The following EXOC3L4 variants were observed in gnomAD, a reference collection of about 807,000 sequenced individuals.
EXOC3L4 encodes exocyst complex component 3 like 4, also known as exocyst complex component 3-like protein 4.
A neutral mutation model predicts 69.7 loss-of-function variants in EXOC3L4; 62 were observed. That is an observed-to-expected ratio of 0.89 (90% CI 0.72 to 1.10). The LOEUF (loss-of-function observed/expected upper bound fraction) is 1.10, where lower values mean the gene tolerates loss of function less well. EXOC3L4 is among the 50% of genes least tolerant of loss of function. The pLI, the probability that EXOC3L4 is intolerant of heterozygous loss-of-function variation, is 0.00. For synonymous variants in EXOC3L4, 502 were observed against 464.2 expected (o/e 1.08, Z -1.05); for missense variants, 1,087 against 1,034.8 (o/e 1.05, Z -0.69).
rs372270295 is a variant in EXOC3L4 at position 103,110,392 on chromosome 14, C to G, written c.*169C>G. 6 of 812,896 alleles carry G rather than the reference C, an allele frequency of 7.4e-6. No homozygotes were observed. Among genetic ancestry groups the G allele is most frequent in the Non-Finnish European group, 1.0e-5 (5 of 488,836 alleles). The allele number at this position is 812,896 out of a possible 1,614,324, so 50.4% of individuals were successfully genotyped here. On this transcript the variant is annotated 3_prime_UTR_variant, in exon 12 of 12. Coordinates refer to ENST00000688303, the MANE Select transcript of EXOC3L4 (RefSeq NM_001077594.2). ...CAGCTGTCAGGCCAGAAGGAGCAGCCGTGCAGGAGGCATTTCAGGCATCGT... is the reference window on the plus strand; with the variant it reads ...CAGCTGTCAGGCCAGAAGGAGCAGCGGTGCAGGAGGCATTTCAGGCATCGT...
rs748821323 is a variant in EXOC3L4 at position 103,104,332 on chromosome 14, G to A, written c.1227G>A (p.Glu409=). The A allele has an allele frequency of 3.8e-6, 6 of 1,591,826 alleles. No individual in the cohort carries two copies. Among genetic ancestry groups the A allele is most frequent in the Non-Finnish European group, 5.1e-6 (6 of 1,170,740 alleles). The change falls in exon 5 of 12, where the codon GAG becomes GAA. Residue 409 remains glutamate (E), a synonymous_variant. Coordinates refer to ENST00000688303, the MANE Select transcript of EXOC3L4 (RefSeq NM_001077594.2). ...AGCAGAGTCACTGGGCGGCCGCCGA[G>A]GTCCCCGAGGTGCTGCAGGGCCTCT... ...QLEQSHWAAA[E]VPEVLQGLYQ...
At chr14:103,103,368 A>G (rs796516986) in intron 3 of EXOC3L4, among the ~76,000 whole-genome samples, 21 of 146,206 alleles carry the variant, frequency 1.4e-4, no homozygotes, top group South Asian at 6.3e-4. Flanking sequence ...AAAAAAAAAA[A>G]AAAGAAAGAA....
intron 11 of EXOC3L4, among the ~76,000 whole-genome samples, chr14:103,108,733 A>G (rs2274685): frequency 0.47 from 71,628 of 151,800 alleles, 16,979 homozygotes; most frequent in East Asian, 0.6. Context: ...CAGCCCCACC[A>G]GGGGTGGGCA....
At position 103,102,253 on chromosome 14, in the gene EXOC3L4, G is replaced by A. The variant is rs777404935; in HGVS notation, c.530G>A (p.Arg177Gln). 2.5e-6 allele frequency: 4 copies of A among 1,586,480 alleles called. No homozygotes were observed. The highest frequency in any genetic ancestry group is 3.4e-6 in the Non-Finnish European group (4 of 1,168,444). Residue 177 changes from arginine to glutamine, a missense_variant, in exon 3 of 12, where the codon CGG (arginine) becomes CAG (glutamine). By Grantham distance (43) the Arg-to-Gln change is conservative. Transcript: ENST00000688303. ...GAGCAGGACCCTACGGCCTTCGCGC[G>A]GCGCGCTATGGACGTGTGCCTGCTT... ...TFEQDPTAFA[R>Q]RAMDVCLLYD...
chr14:103,104,065 G>A lies in EXOC3L4; in HGVS notation c.1161+13G>A, dbSNP rs764031165. On this transcript the variant is annotated intron_variant, in intron 4 of 11. Transcript: ENST00000688303. Reference sequence around the variant, plus strand: ...CAGCTTCCTGGAGGTCAGGCCGGGCGGGTCAGGCTGGGCGGGCCAGGCTGG... The same window carrying A: ...CAGCTTCCTGGAGGTCAGGCCGGGCAGGTCAGGCTGGGCGGGCCAGGCTGG... The A allele has an allele frequency of 7.1e-6, 11 of 1,540,930 alleles. No homozygotes were observed. Among genetic ancestry groups the A allele is most frequent in the South Asian group, 4.8e-5 (4 of 83,746 alleles).
intron 7 of EXOC3L4, among the ~76,000 whole-genome samples, chr14:103,106,026 TCCCATTGG>T (rs1215667860): frequency 6.6e-6 from 1 of 152,162 alleles, no homozygotes; most frequent in Admixed American, 6.5e-5. Flanking sequence ...GGGACTCAGT[TCCCATTGG>T]CTCTTTGTGA....
intron 1 of EXOC3L4, chr14:103,098,840 C>A (rs55780167): frequency 0.013 from 2,000 of 152,340 alleles, 23 homozygotes; most frequent in Non-Finnish European, 0.02. Flanking sequence ...GCTGATAAAG[C>A]TCCATCAATC....
intron 5 of EXOC3L4, 105 bp from the exon 6 acceptor site, chr14:103,104,633 A>C: frequency 5.5e-6 from 7 of 1,268,344 alleles, no homozygotes; most frequent in Non-Finnish European, 7.3e-6. Context: ...GCCAAGACTG[A>C]CAGGCACAGC....
Position 103,104,020 on chromosome 14 carries a change from C to T in EXOC3L4, c.1129C>T (p.Arg377Ter), listed in dbSNP as rs1328693360. Residue 377 changes from arginine to a stop codon, truncating the protein, a stop_gained, in exon 4 of 12, where the codon CGA becomes TGA. Transcript: ENST00000688303. LOFTEE classifies it high-confidence loss of function. The stretch of plus-strand genomic sequence containing the variant: ...GCTCCTGGCGCCGGACGTGTGGGCC[C>T]GACTGGAGAGCGACTACACCAGCTT... Reference protein sequence around the residue: ...PPLLAPDVWARLESDYTSFLE... With the variant: ...PPLLAPDVWA 1 of 1,578,056 alleles carries T rather than the reference C, an allele frequency of 6.3e-7. No individual in the cohort carries two copies. Among genetic ancestry groups the T allele is most frequent in the Non-Finnish European group, 8.6e-7 (1 of 1,166,834 alleles).
chr14:103,095,887 T>G (rs942354402), intron 1 of EXOC3L4, among the ~76,000 whole-genome samples: 6 of 152,262 alleles, frequency 3.9e-5, no homozygotes. Flanking sequence ...CAGTTTAATC[T>G]GCTCCTTCCC....
chr14:103,108,317 A>C, intron 10 of EXOC3L4, 79 bp from the exon 11 acceptor site: 1 of 1,568,816 alleles, frequency 6.4e-7, no homozygotes. Flanking sequence ...CTGACCTCGC[A>C]CTGACCTCGC....
At position 103,102,370 on chromosome 14, in the gene EXOC3L4, G is replaced by A. The variant is rs763372631; in HGVS notation, c.647G>A (p.Arg216His). The A allele has an allele frequency of 1.6e-5, 25 of 1,561,026 alleles. No homozygotes were observed. Among genetic ancestry groups the A allele is most frequent in the South Asian group, 1.2e-4 (10 of 86,580 alleles). ...VDAAALAELARVVSAEEEAHP... is the reference protein window; with the variant it reads ...VDAAALAELAHVVSAEEEAHP... ...GCGGCCGCGCTGGCCGAGCTGGCCC[G>A]CGTGGTGAGCGCGGAGGAGGAAGCC... is the stretch of plus-strand genomic sequence containing the variant. Residue 216 changes from arginine to histidine, a missense_variant, in exon 3 of 12, where the codon CGC (arginine) becomes CAC (histidine). Transcript: ENST00000688303.
In EXOC3L4 at chr14:103,110,431, T is replaced by G; in HGVS notation, c.*208T>G. On this transcript the variant is annotated 3_prime_UTR_variant, in exon 12 of 12. Coordinates refer to ENST00000688303, the MANE Select transcript of EXOC3L4 (RefSeq NM_001077594.2). ...TTCAGGCATCGTTGAGGGGAGTGTT[T>G]TGGGGCCGCAGAGCTCTCAATGCTG... The G allele has an allele frequency of 1.4e-6, 1 of 702,844 alleles. No homozygotes were observed. The highest frequency in any genetic ancestry group is 2.5e-6 in the Non-Finnish European group (1 of 392,914). The allele number at this position is 702,844 out of a possible 1,614,324, so 43.5% of individuals were successfully genotyped here.
chr14:103,102,335 C>A lies in EXOC3L4; in HGVS notation c.612C>A (p.Asp204Glu). Residue 204 changes from aspartate to glutamate, a missense_variant, in exon 3 of 12, where the codon GAC becomes GAA. Physicochemically the swap from Asp to Glu is conservative, Grantham distance 45. Transcript: ENST00000688303. The stretch of plus-strand genomic sequence containing the variant: ...TCGTGCGCGAGACGCTGGACAGCGA[C>A]GGTGTGGACGCGGCCGCGCTGGCCG... ...GAIVRETLDS[D>E]GVDAAALAEL... 6.4e-7 allele frequency: 1 copy of A among 1,562,816 alleles called. No homozygotes were observed. The highest frequency in any genetic ancestry group is 8.6e-7 in the Non-Finnish European group (1 of 1,160,534).
chr14:103,097,357 C>A lies in EXOC3L4; in HGVS notation c.-17+2517C>A, dbSNP rs934368472. Among the ~76,000 whole-genome samples the A allele has an allele frequency of 6.6e-6, 1 of 152,072 alleles. No individual in the cohort carries two copies. The highest frequency in any genetic ancestry group is 2.4e-5 in the African/African-American group (1 of 41,414). On this transcript the variant is annotated intron_variant, in intron 1 of 11. Coordinates refer to ENST00000688303, the MANE Select transcript of EXOC3L4 (RefSeq NM_001077594.2). The surrounding 1 kb of genome is among the most constrained non-coding windows in gnomAD (Gnocchi z 4.9). Reference sequence around the variant, plus strand: ...GCGGCAGCATAGGAGCCGGGGCCCCCTGGACTCTCCGGGCACTGGGGACAG... The same window carrying A: ...GCGGCAGCATAGGAGCCGGGGCCCCATGGACTCTCCGGGCACTGGGGACAG...
In EXOC3L4 at chr14:103,102,564, G is replaced by A. The variant is rs1261086322; in HGVS notation, c.841G>A (p.Glu281Lys). The change falls in exon 3 of 12, where the codon GAG becomes AAG. Residue 281 changes from glutamate to lysine, a missense_variant. Physicochemically the swap from Glu to Lys is moderately conservative, Grantham distance 56. Transcript: ENST00000688303. ...GTCGGGTTTGGCCCAGCTTCTGGCCGAGCTGGGTGGCTTGGTTCGCCGCGA... is the reference window on the plus strand; with the variant it reads ...GTCGGGTTTGGCCCAGCTTCTGGCCAAGCTGGGTGGCTTGGTTCGCCGCGA... ...GASGLAQLLA[E>K]LGGLVRRDLQ... The A allele has an allele frequency of 2.1e-6, 3 of 1,449,534 alleles. No individual in the cohort carries two copies. The highest frequency in any genetic ancestry group is 3.0e-5 in the East Asian group (1 of 33,878). The allele number at this position is 1,449,534 out of a possible 1,614,324, so 89.8% of individuals were successfully genotyped here. A position where few individuals can be genotyped will look rare whatever the true frequency, so the allele number is the denominator to read the frequency against.
At position 103,107,843 on chromosome 14, in the gene EXOC3L4, C is replaced by A. The variant is rs527643397; in HGVS notation, c.1854+60C>A. The A allele has an allele frequency of 6.9e-6, 10 of 1,457,960 alleles. 1 individual carries two copies. The East Asian group carries it at 2.5e-4, about 36-fold the overall frequency. 90.3% of individuals were successfully genotyped at this position (1,457,960 alleles called of 1,614,324 possible). A position where few individuals can be genotyped will look rare whatever the true frequency, so the allele number is the denominator to read the frequency against. On this transcript the variant is annotated intron_variant, in intron 10 of 11. Coordinates refer to ENST00000688303, the MANE Select transcript of EXOC3L4 (RefSeq NM_001077594.2). ...TCTGTGTGGGGAGTGGTGGCAGTGA[C>A]TAGGGCCTTAGCGCCGGGAGGGCTT...
chr14:103,096,069 G>C lies in EXOC3L4; in HGVS notation c.-17+1229G>C, dbSNP rs1403964240. Among the ~76,000 whole-genome samples, 10 of 152,312 alleles carry C rather than the reference G, an allele frequency of 6.6e-5. No homozygotes were observed. The East Asian group carries it at 1.9e-3, about 29-fold the overall frequency. ...GGAAAGCTTTCAAAGGAGGTTTATAGGGCCGGGCATGGTGGCTCACTCCTG... is the reference window on the plus strand; with the variant it reads ...GGAAAGCTTTCAAAGGAGGTTTATACGGCCGGGCATGGTGGCTCACTCCTG... On this transcript the variant is annotated intron_variant, in intron 1 of 11. Coordinates refer to ENST00000688303, the MANE Select transcript of EXOC3L4 (RefSeq NM_001077594.2).
rs1346486551 is a variant in EXOC3L4, at chr14:103,110,315, C to T, written c.*92C>T. Reference sequence around the variant, plus strand: ...GCCCAGGGAGTCACTCTGGGCCCTGCCCCCAACTCTGACACTGCAGTTAGG... The same window carrying T: ...GCCCAGGGAGTCACTCTGGGCCCTGTCCCCAACTCTGACACTGCAGTTAGG... On this transcript the variant is annotated 3_prime_UTR_variant, in exon 12 of 12. Coordinates refer to ENST00000688303, the MANE Select transcript of EXOC3L4 (RefSeq NM_001077594.2). The T allele has an allele frequency of 3.6e-6, 5 of 1,398,264 alleles. No individual in the cohort carries two copies. The South Asian group carries it at 5.0e-5, about 14-fold the overall frequency. The allele number at this position is 1,398,264 out of a possible 1,614,324, so 86.6% of individuals were successfully genotyped here.
Sources: allele counts gnomAD v4.1 joint callset (sites outside exome capture counted in the v4.1 genomes callset), GRCh38; gene constraint gnomAD v4.1.1; non-coding constraint Gnocchi (gnomAD v3.1); transcripts MANE v1.5; gene names NCBI Gene and HGNC (gene_info 2026-07-23, HGNC 2026-07-21).